The following FAH variants were observed in gnomAD, a reference collection of about 807,000 sequenced individuals.
The protein encoded by FAH is fumarylacetoacetase.
In FAH, 47 loss-of-function variants were observed where a neutral mutation model predicts 55.8. The ratio of observed to expected loss-of-function variants is 0.84; its 90% CI spans 0.67 to 1.07. FAH has a LOEUF of 1.07. Among genes scored for constraint, FAH ranks in the 50% least tolerant of loss-of-function variants. The pLI, the probability that FAH is intolerant of heterozygous loss-of-function variation, is 0.00. For missense variants in FAH, 495 were observed against 545.9 expected, an observed-to-expected ratio of 0.91 and a Z score of 0.93; for synonymous variants, 199 against 207.7, an observed-to-expected ratio of 0.96 and a Z score of 0.36.
intron 7 of FAH, among the ~76,000 whole-genome samples, chr15:80,171,159 A>G (rs918228455): frequency 6.6e-6 from 1 of 152,248 alleles, no homozygotes; most frequent in African/African-American, 2.4e-5. Flanking sequence ...TTTGTTACAT[A>G]TGTATACATG....
At position 80,168,329 on chromosome 15, in the gene FAH, G is replaced by T; in HGVS notation, c.606+13G>T. On this transcript the variant is annotated intron_variant, in intron 7 of 13. Coordinates refer to ENST00000561421, the MANE Select transcript of FAH (RefSeq NM_000137.4). Reference sequence around the variant, plus strand: ...GGAGCTGGAAATGGTAAGTGAGCTTGATGTTTTATTGCCATGGGATCTATA... The same window carrying T: ...GGAGCTGGAAATGGTAAGTGAGCTTTATGTTTTATTGCCATGGGATCTATA... The T allele has an allele frequency of 6.2e-7, 1 of 1,611,228 alleles. No homozygotes were observed. The highest frequency in any genetic ancestry group is 1.1e-5 in the South Asian group (1 of 91,046).
At chr15:80,178,020 T>A (rs2041298435) in intron 11 of FAH, among the ~76,000 whole-genome samples, 1 of 152,022 alleles carries the variant, frequency 6.6e-6, no homozygotes, top group Non-Finnish European at 1.5e-5. Context: ...GGCAACATAA[T>A]GAGACCTTGT....
intron 12 of FAH, 59 bp downstream of exon 12, chr15:80,180,284 C>A (rs1016358250): frequency 1.5e-6 from 2 of 1,349,120 alleles, no homozygotes; most frequent in Admixed American, 1.7e-5. Flanking sequence ...CCCCACACAG[C>A]CCCAAGGGCC....
At chr15:80,153,167 G>A in intron 1 of FAH, 32 bp downstream of exon 1, 1 of 1,548,554 alleles carries the variant, frequency 6.5e-7, no homozygotes, top group Non-Finnish European at 8.8e-7. Flanking sequence ...TCCGGGCGCG[G>A]GGAGGGAGTG....
intron 1 of FAH, among the ~76,000 whole-genome samples, chr15:80,154,760 AT>A (rs1346039285): frequency 6.6e-6 from 1 of 152,070 alleles, no homozygotes; most frequent in Non-Finnish European, 1.5e-5. Flanking sequence ...TCTGGTCCAG[AT>A]TTTGCCTGGG....
Sources: gnomAD v4.1 joint callset for allele counts (sites outside exome capture counted in the v4.1 genomes callset) on GRCh38, gnomAD v4.1.1 for gene constraint, MANE v1.5 for transcripts, NCBI Gene and HGNC (gene_info 2026-07-23, HGNC 2026-07-21) for gene names.